Variants in ACTR3C observed in about 807,000 individuals in gnomAD.
ACTR3C encodes actin related protein 3C.
In ACTR3C, 18 loss-of-function variants were observed where a neutral mutation model predicts 26.3. The ratio of observed to expected loss-of-function variants is 0.68; its 90% CI spans 0.47 to 1.01. ACTR3C has a LOEUF of 1.01. ACTR3C is among the 50% of genes least tolerant of loss of function. The probability of loss-of-function intolerance (pLI) is 0.00; values close to 1 mark genes in which losing one functional copy is unlikely to be tolerated. For missense variants in ACTR3C, 184 were observed against 250.7 expected (o/e 0.73, Z 1.80); for synonymous variants, 55 against 94.5 (o/e 0.58, Z 2.42).
the ACTR3C span, among the ~76,000 whole-genome samples, chr7:150,129,361 C>A: frequency 6.6e-6 from 1 of 152,152 alleles, no homozygotes; most frequent in African/African-American, 2.4e-5. Flanking sequence ...CACTTCTAGT[C>A]ATCATTTTAC....
the ACTR3C span, among the ~76,000 whole-genome samples, chr7:149,896,628 A>T: frequency 6.6e-6 from 1 of 151,796 alleles, no homozygotes; most frequent in Non-Finnish European, 1.5e-5. Flanking sequence ...ATTCTAAAGA[A>T]ATAATCATTG....
At chr7:150,286,250 G>C in intron 5 of ACTR3C, 117 bp downstream of exon 5, 1 of 1,319,632 alleles carries the variant, frequency 7.6e-7, no homozygotes, top group East Asian at 2.4e-5. Flanking sequence ...GATGCAGAGA[G>C]ACCGAATGAC....
the ACTR3C span, among the ~76,000 whole-genome samples, chr7:150,142,565 G>A: frequency 1.5e-4 from 23 of 152,286 alleles, no homozygotes; most frequent in African/African-American, 5.3e-4. Flanking sequence ...GTCTCACTCC[G>A]TCGCCCAGGC....
chr7:150,317,706 TGAG>T, intron 1 of ACTR3C, among the ~76,000 whole-genome samples: 1 of 152,114 alleles, frequency 6.6e-6, no homozygotes, highest in East Asian at 1.9e-4. Flanking sequence ...TCTTTGAGGT[TGAG>T]GTGGATATAT....
chr7:150,307,268 A>C (rs1232537596), intron 1 of ACTR3C, among the ~76,000 whole-genome samples: 5 of 152,228 alleles, frequency 3.3e-5, no homozygotes, highest in Non-Finnish European at 7.3e-5. Context: ...AAGCTCACCC[A>C]TTGTAACCTC....
the ACTR3C span, among the ~76,000 whole-genome samples, chr7:150,095,509 TTTCAGATAGTCTTGGCTTC>T: frequency 6.0e-5 from 9 of 150,828 alleles, 1 homozygote; most frequent in East Asian, 1.2e-3. Context: ...AAATAGGCCT[TTTCAGATAGTCTTGGCTTC>T]TTTCAATTGT....
the ACTR3C span, among the ~76,000 whole-genome samples, chr7:150,039,162 G>T: frequency 6.6e-6 from 1 of 151,394 alleles, no homozygotes; most frequent in Non-Finnish European, 1.5e-5. Flanking sequence ...TGGGGGAAGA[G>T]GGTCTGGCTC....
chr7:149,942,439 T>C, the ACTR3C span, among the ~76,000 whole-genome samples: 1 of 152,144 alleles, frequency 6.6e-6, no homozygotes, highest in Non-Finnish European at 1.5e-5. Context: ...ATTGCATCAG[T>C]AATATTTTAC....
At chr7:150,107,083 A>G in the ACTR3C span, among the ~76,000 whole-genome samples, 1 of 144,640 alleles carries the variant, frequency 6.9e-6, no homozygotes, top group Admixed American at 6.8e-5. Context: ...AGCAGGTTGT[A>G]TGGGGTGGGG....
chr7:149,964,664 C>T, the ACTR3C span, among the ~76,000 whole-genome samples: 48 of 152,200 alleles, frequency 3.2e-4, 1 homozygote, highest in Admixed American at 2.0e-3. Context: ...TTTAAGACTT[C>T]GAAAACCTCT....
the ACTR3C span, among the ~76,000 whole-genome samples, chr7:149,912,132 G>A: frequency 1.3e-5 from 2 of 151,808 alleles, no homozygotes. Flanking sequence ...TTGTATAGTG[G>A]TGAGAATGAA....
the ACTR3C span, among the ~76,000 whole-genome samples, chr7:150,216,038 G>C: frequency 6.6e-6 from 1 of 151,306 alleles, no homozygotes; most frequent in Non-Finnish European, 1.5e-5. Flanking sequence ...CTCCTAGCAG[G>C]ATAAATATAA....
chr7:150,134,809 C>CT, the ACTR3C span, among the ~76,000 whole-genome samples: 1 of 152,258 alleles, frequency 6.6e-6, no homozygotes, highest in African/African-American at 2.4e-5. Context: ...GGTCTGAAAA[C>CT]TTATCAGTCT....
the ACTR3C span, among the ~76,000 whole-genome samples, chr7:150,188,078 C>T: frequency 5.2e-4 from 78 of 150,490 alleles, no homozygotes; most frequent in African/African-American, 1.7e-3. Context: ...TTTCTCTGCC[C>T]CAGTTCTGAA....
the ACTR3C span, among the ~76,000 whole-genome samples, chr7:149,939,627 G>A: frequency 4.0e-5 from 6 of 151,684 alleles, no homozygotes; most frequent in Admixed American, 3.3e-4. Flanking sequence ...CCATACTTTC[G>A]AGTTTCCTCA....
chr7:150,055,274 G>A, the ACTR3C span, among the ~76,000 whole-genome samples: 1 of 152,214 alleles, frequency 6.6e-6, no homozygotes, highest in Non-Finnish European at 1.5e-5. Flanking sequence ...AAGCTCTCCA[G>A]ATGATTCTGA....
the ACTR3C span, chr7:150,040,802 G>T: frequency 2.0e-5 from 3 of 146,942 alleles, no homozygotes; most frequent in South Asian, 2.2e-4. Context: ...GCCTTGCGGG[G>T]GGTGTCTCCC....
downstream of ACTR3C, among the ~76,000 whole-genome samples, chr7:150,241,015 G>T (rs1165942749): frequency 6.6e-6 from 1 of 151,944 alleles, no homozygotes; most frequent in African/African-American, 2.4e-5. Context: ...TCTGCTACAT[G>T]AAAAATAGCA....
the ACTR3C span, among the ~76,000 whole-genome samples, chr7:150,073,346 C>T: frequency 2.8e-5 from 2 of 72,376 alleles, no homozygotes; most frequent in East Asian, 5.1e-4. Flanking sequence ...AGTCAGTTAA[C>T]ATGACAAAAA....
Sources: gnomAD v4.1 joint callset for allele counts (sites outside exome capture counted in the v4.1 genomes callset) on GRCh38, gnomAD v4.1.1 for gene constraint, MANE v1.5 for transcripts, NCBI Gene and HGNC (gene_info 2026-07-23, HGNC 2026-07-21) for gene names.